The following FHIT variants were observed in gnomAD, a reference collection of about 807,000 sequenced individuals.
FHIT encodes the protein bis(5'-adenosyl)-triphosphatase.
Under a neutral mutation model 17.9 loss-of-function variants are expected in FHIT, and 19 were observed. The observed-to-expected ratio is 1.06, with a 90% CI of 0.74 to 1.56. The LOEUF is 1.56. Among genes scored for constraint, FHIT ranks in the 40% most tolerant of loss-of-function variants. The probability of loss-of-function intolerance (pLI) is 0.00; values close to 1 mark genes in which losing one functional copy is unlikely to be tolerated. For synonymous variants in FHIT, 81 were observed against 69.7 expected (o/e 1.16, Z -0.81); for missense variants, 248 against 189.2 (o/e 1.31, Z -1.82).
chr3:60,943,357 A>G (rs781948083), intron 3 of FHIT, among the ~76,000 whole-genome samples: 1 of 152,098 alleles, frequency 6.6e-6, no homozygotes, highest in African/African-American at 2.4e-5. Flanking sequence ...TTAAATAATA[A>G]CTCTTTATCT....
intron 5 of FHIT, among the ~76,000 whole-genome samples, chr3:60,187,505 G>C (rs866862891): frequency 6.6e-6 from 1 of 152,172 alleles, no homozygotes; most frequent in Non-Finnish European, 1.5e-5. Context: ...AGTGAATGCA[G>C]AATATTTGAT....
At chr3:60,434,792 T>TC (rs2030062064) in intron 5 of FHIT, among the ~76,000 whole-genome samples, 2 of 152,112 alleles carry the variant, frequency 1.3e-5, no homozygotes, top group African/African-American at 4.8e-5. Context: ...TATTCCTTGG[T>TC]CCCATTAAAT....
rs1433005598 is a variant in FHIT, at chr3:60,044,794, C to T, written c.104-30642G>A. On this transcript the variant is annotated intron_variant, in intron 5 of 9. Coordinates refer to ENST00000492590, the MANE Select transcript of FHIT (RefSeq NM_002012.4). ...GAAGTGTCTATCTTAGGTCACCTTA[C>T]CCTCTTTTCTGATTGTTGAAATTAA... Among the ~76,000 whole-genome samples, 3 of 152,084 alleles carry T rather than the reference C, an allele frequency of 2.0e-5. No individual in the cohort carries two copies. In the East Asian group the frequency reaches 5.8e-4, roughly 29 times the overall value.
chr3:60,132,012 C>G (rs1051440263), intron 5 of FHIT, among the ~76,000 whole-genome samples: 1 of 152,138 alleles, frequency 6.6e-6, no homozygotes, highest in African/African-American at 2.4e-5. Context: ...AGCTTTCTCT[C>G]AACCCAGAAC....
intron 5 of FHIT, among the ~76,000 whole-genome samples, chr3:60,042,576 T>C (rs1375712135): frequency 1.3e-5 from 2 of 152,132 alleles, no homozygotes; most frequent in Non-Finnish European, 2.9e-5. Context: ...TGCTTGTCTG[T>C]TGCTATGTCT....
intron 8 of FHIT, among the ~76,000 whole-genome samples, chr3:59,840,366 G>T (rs1412448444): frequency 4.1e-5 from 6 of 147,696 alleles, no homozygotes; most frequent in Admixed American, 2.1e-4. Flanking sequence ...ACAGGAAGGT[G>T]CATCATGTCA....
Position 59,928,716 on chromosome 3 carries a change from G to A in FHIT, c.280-6302C>T, listed in dbSNP as rs1034043588. Among the ~76,000 whole-genome samples, 4 of 152,158 alleles carry A rather than the reference G, an allele frequency of 2.6e-5. No homozygotes were observed. In the East Asian group the frequency reaches 7.7e-4, roughly 29 times the overall value. On this transcript the variant is annotated intron_variant, in intron 7 of 9. Transcript: ENST00000492590. ...CAACTGTAATAAAAAGGACAGATAG[G>A]CCGGGTGCGGCGGCTCACGCCTGTA...
intron 3 of FHIT, among the ~76,000 whole-genome samples, chr3:60,909,297 A>G (rs1706596890): frequency 6.8e-6 from 1 of 147,570 alleles, no homozygotes; most frequent in African/African-American, 2.5e-5. Flanking sequence ...TGAACCCGGA[A>G]GGTGGAGGTT....
intron 8 of FHIT, among the ~76,000 whole-genome samples, chr3:59,814,075 C>CA (rs1559629328): frequency 2.0e-5 from 3 of 151,566 alleles, no homozygotes; most frequent in Non-Finnish European, 2.9e-5. Flanking sequence ...CACACACACA[C>CA]CCGACGGTGA....
intron 5 of FHIT, among the ~76,000 whole-genome samples, chr3:60,252,979 C>T (rs1364813279): frequency 6.6e-6 from 1 of 151,988 alleles, no homozygotes; most frequent in African/African-American, 2.4e-5. Context: ...GCCTGGGTGA[C>T]AGAGCGAGAC....
In FHIT at chr3:60,437,978, T is replaced by C. The variant is rs1458737425; in HGVS notation, c.103+98882A>G. On this transcript the variant is annotated intron_variant, in intron 5 of 9. Transcript: ENST00000492590. ...CATTTTTTAAAATTAAGATACAGTA[T>C]GATTGTATAAACATATGTAAACTTT... is the stretch of plus-strand genomic sequence containing the variant. 2.0e-5 allele frequency among the ~76,000 whole-genome samples: 3 copies of C among 152,220 alleles called. No homozygotes were observed. The East Asian group carries it at 5.8e-4, about 29-fold the overall frequency.
intron 7 of FHIT, among the ~76,000 whole-genome samples, chr3:59,995,481 T>C (rs1001727005): frequency 2.0e-5 from 3 of 152,100 alleles, no homozygotes; most frequent in African/African-American, 7.2e-5. Flanking sequence ...ACACATCTGG[T>C]CTTCAGAGGT....
intron 5 of FHIT, among the ~76,000 whole-genome samples, chr3:60,369,169 C>T (rs1037554607): frequency 6.7e-6 from 1 of 149,896 alleles, no homozygotes; most frequent in African/African-American, 2.4e-5. Context: ...GGGGGTCTCT[C>T]ACCATGTTGC....
At chr3:59,910,154 G>A (rs1704799613) in intron 8 of FHIT, among the ~76,000 whole-genome samples, 1 of 152,176 alleles carries the variant, frequency 6.6e-6, no homozygotes, top group South Asian at 2.1e-4. Context: ...ACATTTTAGG[G>A]AGACATGAGG....
At position 60,278,607 on chromosome 3, in the gene FHIT, A is replaced by G. The variant is rs113579030; in HGVS notation, c.103+258253T>C. ...AATAAGGAGCTCTTAGGAAAGCCCA[A>G]AGACAACAGGGAAGACAAAAAATAC... On this transcript the variant is annotated intron_variant, in intron 5 of 9. Transcript: ENST00000492590. 9.8e-4 allele frequency among the ~76,000 whole-genome samples: 149 copies of G among 152,290 alleles called. 1 individual carries two copies. The highest frequency in any genetic ancestry group is 6.8e-3 in the Middle Eastern group (2 of 294).
chr3:60,483,872 G>C (rs1375519001), intron 5 of FHIT, among the ~76,000 whole-genome samples: 2 of 152,244 alleles, frequency 1.3e-5, no homozygotes, highest in Non-Finnish European at 2.9e-5. Context: ...CGCATAGGAA[G>C]AGAGGAAGTT....
chr3:61,114,795 G>T (rs1329001055), intron 2 of FHIT, among the ~76,000 whole-genome samples: 1 of 152,088 alleles, frequency 6.6e-6, no homozygotes, highest in African/African-American at 2.4e-5. Flanking sequence ...GGCAAAGTAT[G>T]CAACACACAT....
intron 3 of FHIT, among the ~76,000 whole-genome samples, chr3:61,014,487 T>C (rs1263143101): frequency 6.6e-6 from 1 of 151,692 alleles, no homozygotes; most frequent in Non-Finnish European, 1.5e-5. Context: ...AAAATATATA[T>C]ACGTACATCC....
chr3:60,129,884 T>G (rs1320669660), intron 5 of FHIT, among the ~76,000 whole-genome samples: 1 of 152,216 alleles, frequency 6.6e-6, no homozygotes, highest in Non-Finnish European at 1.5e-5. Flanking sequence ...TGCTTAGATT[T>G]CCATTCAAAA....
Sources: gnomAD v4.1 joint callset for allele counts (sites outside exome capture counted in the v4.1 genomes callset) on GRCh38, gnomAD v4.1.1 for gene constraint, MANE v1.5 for transcripts, NCBI Gene and HGNC (gene_info 2026-07-23, HGNC 2026-07-21) for gene names.